Variants in UGT1A10 observed in about 807,000 individuals in gnomAD.
UGT1A10 encodes UDP-glucuronosyltransferase 1A10.
A neutral mutation model predicts 45.8 loss-of-function variants in UGT1A10; 49 were observed. The ratio of observed to expected loss-of-function variants is 1.07; its 90% CI spans 0.85 to 1.36. UGT1A10 has a LOEUF of 1.36. Ranked by LOEUF, UGT1A10 falls within the 40% of genes most tolerant of loss-of-function variation. The pLI, the probability that UGT1A10 is intolerant of heterozygous loss-of-function variation, is 0.00. For missense variants in UGT1A10, 745 were observed against 668.6 expected (o/e 1.11, Z -1.26); for synonymous variants, 284 against 249.7 (o/e 1.14, Z -1.29).
chr2:233,648,032 T>A (rs2073646117), intron 1 of UGT1A10: 2 of 1,596,892 alleles, frequency 1.3e-6, no homozygotes, highest in East Asian at 4.5e-5. Flanking sequence ...AGTTGGCAAC[T>A]GGGAAGATCA....
intron 1 of UGT1A10, among the ~76,000 whole-genome samples, chr2:233,701,757 C>T (rs1242415662): frequency 1.3e-5 from 2 of 152,062 alleles, no homozygotes; most frequent in African/African-American, 4.8e-5. Flanking sequence ...GGGTACATAA[C>T]GAAATGAAGG....
At chr2:233,718,697 C>T (rs2125661774) in intron 1 of UGT1A10, 1 of 1,595,942 alleles carries the variant, frequency 6.3e-7, no homozygotes, top group Non-Finnish European at 8.5e-7. Flanking sequence ...GAGGAGGGCA[C>T]TTTGTCTTCC....
At chr2:233,657,756 A>G (rs1575405860) in intron 1 of UGT1A10, among the ~76,000 whole-genome samples, 1 of 152,188 alleles carries the variant, frequency 6.6e-6, no homozygotes, top group Non-Finnish European at 1.5e-5. Context: ...TTTAAATATG[A>G]TGTTGAGCAT....
intron 1 of UGT1A10, chr2:233,648,325 T>C (rs879274018): frequency 9.7e-6 from 5 of 513,656 alleles, no homozygotes; most frequent in Non-Finnish European, 1.8e-5. Flanking sequence ...CTCCCTCCTC[T>C]CGGTGGTCTT....
chr2:233,702,192 C>G (rs1433115876), intron 1 of UGT1A10, among the ~76,000 whole-genome samples: 1 of 152,200 alleles, frequency 6.6e-6, no homozygotes. Context: ...CCTCCAGCCC[C>G]TGGCAGCCAT....
intron 1 of UGT1A10, chr2:233,755,146 C>A: frequency 7.7e-7 from 1 of 1,304,902 alleles, no homozygotes; most frequent in Non-Finnish European, 1.0e-6. Flanking sequence ...CTTCTCACCG[C>A]TTCCTCCCTG....
chr2:233,664,236 C>T (rs1389617099), intron 1 of UGT1A10, among the ~76,000 whole-genome samples: 1 of 152,160 alleles, frequency 6.6e-6, no homozygotes, highest in East Asian at 1.9e-4. Context: ...TTTAACCAGT[C>T]TCTAAGAAGG....
Position 233,684,228 on chromosome 2 carries a change from G to A in UGT1A10, c.855+46851G>A, listed in dbSNP as rs533677309. ...AACTCATGGGAAAATGCAACCAAGC[G>A]CTTTCTAAAAATCAGGGAGACTACA... On this transcript the variant is annotated intron_variant, in intron 1 of 4. Transcript: ENST00000344644. Among the ~76,000 whole-genome samples, 112 of 152,240 alleles carry A rather than the reference G, an allele frequency of 7.4e-4. 1 individual carries two copies. Among genetic ancestry groups the A allele is most frequent in the African/African-American group, 2.4e-3 (98 of 41,540 alleles).
intron 1 of UGT1A10, among the ~76,000 whole-genome samples, chr2:233,727,024 C>T (rs1363887346): frequency 2.6e-5 from 4 of 152,054 alleles, no homozygotes; most frequent in African/African-American, 7.2e-5. Flanking sequence ...TGTTTTTGTA[C>T]CCTAAGGAAT....
At chr2:233,685,128 C>T (rs901416768) in intron 1 of UGT1A10, among the ~76,000 whole-genome samples, 1 of 152,126 alleles carries the variant, frequency 6.6e-6, no homozygotes, top group African/African-American at 2.4e-5. Flanking sequence ...AGGTGAATTA[C>T]ATCCAGGGAT....
rs1696611113 is a variant in UGT1A10 at position 233,757,545 on chromosome 2, T to TATAC, written c.856-9486_856-9485insCATA. 2.9e-4 allele frequency among the ~76,000 whole-genome samples: 19 copies of TATAC among 65,910 alleles called. 1 individual carries two copies. The highest frequency in any genetic ancestry group is 6.3e-4 in the African/African-American group (10 of 15,854). The allele number at this position is 65,910 out of a possible 152,430, so 43.2% of individuals were successfully genotyped here. On this transcript the variant is annotated intron_variant, in intron 1 of 4. Coordinates refer to ENST00000344644, the MANE Select transcript of UGT1A10 (RefSeq NM_019075.4). ...ATCTTGCCTGTAAGGAATATATATA[T>TATAC]ATATATATATATATATGTATATATG...
intron 4 of UGT1A10, chr2:233,771,347 C>T (rs1700292038): frequency 6.6e-6 from 1 of 152,046 alleles, no homozygotes; most frequent in South Asian, 2.1e-4. Context: ...CCTGTAGCAC[C>T]AAGGGTTGAA....
intron 1 of UGT1A10, among the ~76,000 whole-genome samples, chr2:233,723,789 T>G (rs1237220769): frequency 4.1e-5 from 2 of 49,208 alleles, no homozygotes; most frequent in Non-Finnish European, 6.9e-5. Flanking sequence ...TGCACCGCCC[T>G]TAATCCATTT....
rs1431624196 is a variant in UGT1A10, at chr2:233,711,879, AG to A, written c.856-55153del. Among the ~76,000 whole-genome samples, 5 of 152,344 alleles carry A rather than the reference AG, an allele frequency of 3.3e-5. No homozygotes were observed. The South Asian group carries it at 8.3e-4, about 25-fold the overall frequency. On this transcript the variant is annotated intron_variant, in intron 1 of 4. Transcript: ENST00000344644. ...ACAAGTATGAGTGACTTTCTGGAGC[AG>A]GACGAGTCTCATGGGCGTGAGACCA...
intron 1 of UGT1A10, among the ~76,000 whole-genome samples, chr2:233,655,418 A>G (rs550952113): frequency 6.6e-6 from 1 of 152,148 alleles, no homozygotes; most frequent in African/African-American, 2.4e-5. Flanking sequence ...TCACTGGAGC[A>G]CTGGAAGCTG....
rs1699908035 is a variant in UGT1A10, at chr2:233,769,628, A to G, written c.1295+1189A>G. 6.2e-7 allele frequency: 1 copy of G among 1,611,940 alleles called. No individual in the cohort carries two copies. The highest frequency in any genetic ancestry group is 8.5e-7 in the Non-Finnish European group (1 of 1,179,468). Reference sequence around the variant, plus strand: ...GACACACCAGCTTGAGCAAGGGACAACAGGGGAGGACTGATGACTGACTTC... The same window carrying G: ...GACACACCAGCTTGAGCAAGGGACAGCAGGGGAGGACTGATGACTGACTTC... On this transcript the variant is annotated intron_variant, in intron 4 of 4. Transcript: ENST00000344644. This position sits in a 1 kb window ranked among gnomAD's most constrained non-coding sequence, Gnocchi z 4.4.
intron 1 of UGT1A10, among the ~76,000 whole-genome samples, chr2:233,686,641 T>A (rs1181481627): frequency 6.6e-6 from 1 of 152,126 alleles, no homozygotes; most frequent in African/African-American, 2.4e-5. Flanking sequence ...TAATGTGATA[T>A]CAAACATGAT....
At position 233,747,357 on chromosome 2, in the gene UGT1A10, C is replaced by T. The variant is rs115834808; in HGVS notation, c.856-19677C>T. On this transcript the variant is annotated intron_variant, in intron 1 of 4. Coordinates refer to ENST00000344644, the MANE Select transcript of UGT1A10 (RefSeq NM_019075.4). ...ACTGGCTCGCATGCGGGAGGCCGTG[C>T]GGGAGCTCCATGCCAGAGGCCACCA... 7.9e-3 allele frequency: 12,675 copies of T among 1,602,394 alleles called. 83 individuals are homozygous for T. The highest frequency in any genetic ancestry group is 9.8e-3 in the Non-Finnish European group (11,526 of 1,171,410).
rs2073641319 is a variant in UGT1A10, at chr2:233,647,808, T to A, written c.855+10431T>A. The A allele has an allele frequency of 7.7e-6, 6 of 778,492 alleles. No homozygotes were observed. In the South Asian group the frequency reaches 1.1e-4, roughly 14 times the overall value. The allele number at this position is 778,492 out of a possible 1,614,324, so 48.2% of individuals were successfully genotyped here. On this transcript the variant is annotated intron_variant, in intron 1 of 4. Transcript: ENST00000344644. ...TCAGTCTGGGTAGAGATTTATCAAGTTAATTGATTTGCCCCAAAAGCTAGC... is the reference window on the plus strand; with the variant it reads ...TCAGTCTGGGTAGAGATTTATCAAGATAATTGATTTGCCCCAAAAGCTAGC...
Sources: gnomAD v4.1 joint callset for allele counts (sites outside exome capture counted in the v4.1 genomes callset) on GRCh38, gnomAD v4.1.1 for gene constraint, Gnocchi (gnomAD v3.1) non-coding constraint, MANE v1.5 for transcripts, NCBI Gene and HGNC (gene_info 2026-07-23, HGNC 2026-07-21) for gene names.